FGF12: variants seen among roughly 807,000 people sequenced by gnomAD.
FGF12 encodes the protein fibroblast growth factor 12B.
In FGF12, 14 loss-of-function variants were observed where a neutral mutation model predicts 23.6. The ratio of observed to expected loss-of-function variants is 0.59; its 90% CI spans 0.39 to 0.93. The LOEUF (loss-of-function observed/expected upper bound fraction) is 0.93, where lower values mean the gene tolerates loss of function less well. Ranked by LOEUF, FGF12 falls within the 40% of genes least tolerant of loss-of-function variation. The pLI, the probability that FGF12 is intolerant of heterozygous loss-of-function variation, is 0.00. For synonymous variants in FGF12, 62 were observed against 77.3 expected (o/e 0.80, Z 1.04); for missense variants, 175 against 217.8 (o/e 0.80, Z 1.24).
intron 2 of FGF12, among the ~76,000 whole-genome samples, chr3:192,389,928 A>G (rs1720221022): frequency 1.3e-5 from 2 of 152,264 alleles, no homozygotes; most frequent in Admixed American, 6.5e-5. Context: ...TAAAATGTTT[A>G]ATCTAAACCA....
At chr3:192,435,868 A>G (rs1366591483) in intron 2 of FGF12, among the ~76,000 whole-genome samples, 1 of 152,214 alleles carries the variant, frequency 6.6e-6, no homozygotes, top group Non-Finnish European at 1.5e-5. Flanking sequence ...ACATTTTCAG[A>G]AGCATAAATG....
At chr3:192,305,679 A>AAAT (rs1423738741) in intron 4 of FGF12, among the ~76,000 whole-genome samples, 2,181 of 131,860 alleles carry the variant, frequency 0.017, 24 homozygotes, top group African/African-American at 0.025. Flanking sequence ...AAAAAAAAAA[A>AAAT]ATATATATAT....
At chr3:192,399,374 C>T (rs1720663848) in intron 2 of FGF12, among the ~76,000 whole-genome samples, 1 of 152,174 alleles carries the variant, frequency 6.6e-6, no homozygotes, top group Non-Finnish European at 1.5e-5. Flanking sequence ...CAGGCCCTCA[C>T]AGACACCGAA....
chr3:192,611,436 T>C (rs1225125495), intron 2 of FGF12, among the ~76,000 whole-genome samples: 1 of 152,080 alleles, frequency 6.6e-6, no homozygotes, highest in Non-Finnish European at 1.5e-5. Context: ...GTGTGTTCAT[T>C]CATTCAACAA....
intron 2 of FGF12, among the ~76,000 whole-genome samples, chr3:192,437,817 C>T (rs1373732444): frequency 2.0e-5 from 3 of 152,014 alleles, no homozygotes; most frequent in Non-Finnish European, 4.4e-5. Flanking sequence ...TTGGAGAATC[C>T]CTCTCACTTA....
intron 4 of FGF12, among the ~76,000 whole-genome samples, chr3:192,213,200 G>C (rs1208615617): frequency 6.6e-6 from 1 of 152,254 alleles, no homozygotes; most frequent in Non-Finnish European, 1.5e-5. Flanking sequence ...GCGAGCGCCA[G>C]AGCAGCTGAA....
At chr3:192,373,988 A>G (rs1719359705) in intron 2 of FGF12, among the ~76,000 whole-genome samples, 1 of 152,164 alleles carries the variant, frequency 6.6e-6, no homozygotes, top group Admixed American at 6.5e-5. Flanking sequence ...TAACACCTAT[A>G]ACCTATTTTA....
chr3:192,434,914 G>A (rs975477453), intron 2 of FGF12, among the ~76,000 whole-genome samples: 2 of 151,848 alleles, frequency 1.3e-5, no homozygotes, highest in African/African-American at 2.4e-5. Flanking sequence ...TTATCCAACC[G>A]CTTTTCAGGT....
At chr3:192,539,158 A>G (rs943698725) in intron 2 of FGF12, among the ~76,000 whole-genome samples, 1 of 152,188 alleles carries the variant, frequency 6.6e-6, no homozygotes, top group African/African-American at 2.4e-5. Context: ...TGCCCTAGCT[A>G]GGACTTCCAC....
intron 2 of FGF12, among the ~76,000 whole-genome samples, chr3:192,626,012 C>T (rs1274442797): frequency 6.6e-6 from 1 of 152,152 alleles, no homozygotes; most frequent in Non-Finnish European, 1.5e-5. Flanking sequence ...CATTCTGTAG[C>T]TTCTTATTTC....
rs1304195770 is a variant in FGF12, at chr3:192,239,971, TGGG to T, written c.229-69318_229-69316del. ...TGAGAAAAAGTTGTATTAGACACTA[TGGG>T]TGCAGGGGGGAAGATCCCAGAAATA... On this transcript the variant is annotated intron_variant, in intron 4 of 5. Coordinates refer to ENST00000445105, the MANE Select transcript of FGF12 (RefSeq NM_004113.6). 8.5e-5 allele frequency among the ~76,000 whole-genome samples: 13 copies of T among 152,254 alleles called. 1 individual carries two copies. The East Asian group carries it at 1.4e-3, about 16-fold the overall frequency.
At chr3:192,149,279 G>A (rs1713903263) in intron 5 of FGF12, among the ~76,000 whole-genome samples, 1 of 151,976 alleles carries the variant, frequency 6.6e-6, no homozygotes, top group South Asian at 2.1e-4. Flanking sequence ...ATCTCACTGA[G>A]TGAACTCTGT....
At chr3:192,373,032 G>T (rs949351398) in intron 2 of FGF12, among the ~76,000 whole-genome samples, 4 of 151,746 alleles carry the variant, frequency 2.6e-5, no homozygotes, top group African/African-American at 9.7e-5. Flanking sequence ...TTTCATAGAG[G>T]TCTTGTCTAG....
At position 192,573,716 on chromosome 3, in the gene FGF12, C is replaced by T. The variant is rs145894129; in HGVS notation, c.13+153465G>A. The stretch of plus-strand genomic sequence containing the variant: ...CCTGACTAACATAATACCTATTTTA[C>T]GATACTTATTAGAAAAAATAAAACC... On this transcript the variant is annotated intron_variant, in intron 2 of 5. Transcript: ENST00000445105. Among the ~76,000 whole-genome samples the T allele has an allele frequency of 6.7e-3, 1,025 of 152,202 alleles. 5 individuals are homozygous for T. The highest frequency in any genetic ancestry group is 0.011 in the Non-Finnish European group (765 of 68,014).
At chr3:192,159,627 C>CCAAA (rs1457226628) in intron 5 of FGF12, among the ~76,000 whole-genome samples, 4 of 152,122 alleles carry the variant, frequency 2.6e-5, no homozygotes, top group African/African-American at 9.7e-5. Flanking sequence ...AATAATTTTT[C>CCAAA]CAAACAAGAT....
At chr3:192,293,251 T>A (rs139491990) in intron 4 of FGF12, among the ~76,000 whole-genome samples, 5 of 150,912 alleles carry the variant, frequency 3.3e-5, no homozygotes, top group Non-Finnish European at 7.4e-5. Flanking sequence ...GAAAAAAAAA[T>A]GGTGGAATTT....
At chr3:192,362,035 G>A (rs1441397813) in intron 2 of FGF12, among the ~76,000 whole-genome samples, 1 of 152,108 alleles carries the variant, frequency 6.6e-6, no homozygotes, top group Non-Finnish European at 1.5e-5. Context: ...TAAAAATCTG[G>A]AAGTTAAGCT....
chr3:192,583,585 A>C (rs1252456623), intron 2 of FGF12, among the ~76,000 whole-genome samples: 1 of 152,156 alleles, frequency 6.6e-6, no homozygotes, highest in Non-Finnish European at 1.5e-5. Flanking sequence ...CTAAATGTGA[A>C]TCTTTCTAAA....
chr3:192,215,081 T>C lies in FGF12; in HGVS notation c.229-44425A>G, dbSNP rs138680863. Reference sequence around the variant, plus strand: ...CAGCCTAAATCAGAGGATGCTTACGTTGTCATCGGCTCTTCCCGAACTCTC... The same window carrying C: ...CAGCCTAAATCAGAGGATGCTTACGCTGTCATCGGCTCTTCCCGAACTCTC... On this transcript the variant is annotated intron_variant, in intron 4 of 5. Coordinates refer to ENST00000445105, the MANE Select transcript of FGF12 (RefSeq NM_004113.6). Among the ~76,000 whole-genome samples the C allele has an allele frequency of 3.9e-4, 60 of 152,300 alleles. 3 individuals carry two copies. The East Asian group carries it at 0.011, about 27-fold the overall frequency.
Sources: allele counts gnomAD v4.1 joint callset (sites outside exome capture counted in the v4.1 genomes callset), GRCh38; gene constraint gnomAD v4.1.1; transcripts MANE v1.5; gene names NCBI Gene and HGNC (gene_info 2026-07-23, HGNC 2026-07-21).